GALNT5: variants seen among roughly 807,000 people sequenced by gnomAD.
GALNT5 encodes the protein polypeptide N-acetylgalactosaminyltransferase 5, also known as UDP-GalNAc:polypeptide N-acetylgalactosaminyltransferase 5.
A neutral mutation model predicts 85.4 loss-of-function variants in GALNT5; 72 were observed. The observed-to-expected ratio is 0.84, with a 90% CI of 0.70 to 1.03. The LOEUF (loss-of-function observed/expected upper bound fraction) is 1.03. Ranked by LOEUF, GALNT5 falls within the 50% of genes least tolerant of loss-of-function variation. GALNT5 has a pLI of 0.00. For synonymous variants in GALNT5, 404 were observed against 397.0 expected (o/e 1.02, Z -0.21); for missense variants, 1,137 against 1,135.5 (o/e 1.00, Z -0.02).
chr2:157,308,466 C>T, intron 8 of GALNT5, 101 bp from the exon 9 acceptor site: 1 of 783,140 alleles, frequency 1.3e-6, no homozygotes, highest in South Asian at 2.0e-5. Flanking sequence ...AATGTCAGAT[C>T]ATAGTTCCTA....
In GALNT5 at chr2:157,259,165, G is replaced by T. The variant is rs1386569143; in HGVS notation, c.1083G>T (p.Arg361Ser). 2.6e-6 allele frequency: 4 copies of T among 1,516,066 alleles called. 1 individual carries two copies. The Admixed American group carries it at 8.9e-5, about 34-fold the overall frequency. 93.9% of individuals were successfully genotyped at this position (1,516,066 alleles called of 1,614,324 possible). Residue 361 changes from arginine to serine, a missense_variant, in exon 1 of 10, where the codon AGG (arginine) becomes AGT (serine). By Grantham distance (110) the Arg-to-Ser change is moderately radical. Coordinates refer to ENST00000259056, the MANE Select transcript of GALNT5 (RefSeq NM_014568.3). ...AAAGCCAAAGTAAACACATTTCCAG[G>T]AATAGAAGTGAGATGTCTTCCTCTT... ...LGKSQSKHIS[R>S]NRSEMSSSSL...
intron 1 of GALNT5, among the ~76,000 whole-genome samples, chr2:157,264,949 A>G (rs1331764320): frequency 1.3e-5 from 2 of 152,188 alleles, no homozygotes; most frequent in African/African-American, 4.8e-5. Flanking sequence ...TAGTGATTGG[A>G]GAACATTAAT....
At chr2:157,305,379 A>G (rs1200558492) in intron 7 of GALNT5, among the ~76,000 whole-genome samples, 1 of 152,154 alleles carries the variant, frequency 6.6e-6, no homozygotes. Context: ...ATAGCTCATA[A>G]CTCTTATAGG....
At position 157,315,081 on chromosome 2, in the gene GALNT5, AAAT is replaced by A. The variant is rs201133463; in HGVS notation, c.*3746_*3748del. Among the ~76,000 whole-genome samples, 3,527 of 152,194 alleles carry A rather than the reference AAAT, an allele frequency of 0.023. 115 individuals carry two copies. The highest frequency in any genetic ancestry group is 0.079 in the African/African-American group (3,262 of 41,494). Reference sequence around the variant, plus strand: ...CAACAGAGCAAGACTCTATCTCAAAAAATAATAATAATAATTTTTACCTCAGAA... The same window carrying A: ...CAACAGAGCAAGACTCTATCTCAAAAAATAATAATAATTTTTACCTCAGAA... On this transcript the variant is annotated 3_prime_UTR_variant, in exon 10 of 10. Coordinates refer to ENST00000259056, the MANE Select transcript of GALNT5 (RefSeq NM_014568.3).
At chr2:157,278,691 G>A (rs147768186) in intron 1 of GALNT5, among the ~76,000 whole-genome samples, 1,759 of 152,206 alleles carry the variant, frequency 0.012, 35 homozygotes, top group African/African-American at 0.04. Context: ...TCTCTACACT[G>A]TTTATTCTAG....
intron 3 of GALNT5, among the ~76,000 whole-genome samples, chr2:157,291,972 A>G (rs1683110783): frequency 6.6e-6 from 1 of 152,244 alleles, no homozygotes; most frequent in Non-Finnish European, 1.5e-5. Context: ...TACACACTTT[A>G]TGTATCAAAT....
intron 1 of GALNT5, among the ~76,000 whole-genome samples, chr2:157,277,802 G>A (rs7566790): frequency 0.03 from 4,620 of 152,206 alleles, 231 homozygotes; most frequent in African/African-American, 0.1. Context: ...CTTTTAATTA[G>A]GGCATTTAGC....
At position 157,312,384 on chromosome 2, in the gene GALNT5, G is replaced by A. The variant is rs557307981; in HGVS notation, c.*1036G>A. The A allele has an allele frequency of 2.0e-5, 3 of 151,766 alleles. No homozygotes were observed. In the South Asian group the frequency reaches 6.2e-4, roughly 32 times the overall value. 9.4% of individuals were successfully genotyped at this position (151,766 alleles called of 1,614,324 possible). On this transcript the variant is annotated 3_prime_UTR_variant, in exon 10 of 10. Coordinates refer to ENST00000259056, the MANE Select transcript of GALNT5 (RefSeq NM_014568.3). ...GAAGGAAACATCATGAAAGGGGAAA[G>A]GAATGAGGTAAACAAGTCTTAGGAA...
At chr2:157,277,565 C>T (rs575896503) in intron 1 of GALNT5, among the ~76,000 whole-genome samples, 18 of 152,274 alleles carry the variant, frequency 1.2e-4, no homozygotes, top group African/African-American at 3.8e-4. Context: ...ATCCCTTTAC[C>T]ATTATGTAAT....
Position 157,258,661 on chromosome 2 carries a change from A to G in GALNT5, c.579A>G (p.Leu193=), listed in dbSNP as rs1446695635. Residue 193 remains leucine, a synonymous_variant, in exon 1 of 10, where the codon TTA becomes TTG. Transcript: ENST00000259056. ...KISVHMGRVS[L]KQEPRKSHSP... ...CAGTACACATGGGACGTGTCAGTTT[A>G]AAACAGGAGCCCCGGAAGAGTCATA... The G allele has an allele frequency of 6.2e-7, 1 of 1,613,824 alleles. No individual in the cohort carries two copies. Among genetic ancestry groups the G allele is most frequent in the East Asian group, 2.2e-5 (1 of 44,848 alleles).
rs1683613453 is a variant in GALNT5 at position 157,313,126 on chromosome 2, T to C, written c.*1778T>C. 1 of 152,184 alleles carries C rather than the reference T, an allele frequency of 6.6e-6. No individual in the cohort carries two copies. The highest frequency in any genetic ancestry group is 2.4e-5 in the African/African-American group (1 of 41,458). The allele number at this position is 152,184 out of a possible 1,614,324, so 9.4% of individuals were successfully genotyped here. ...AAATGAGATACAGTTATATGACACA[T>C]AATGATGTTTTAGTCAACAATGAAC... On this transcript the variant is annotated 3_prime_UTR_variant, in exon 10 of 10. Coordinates refer to ENST00000259056, the MANE Select transcript of GALNT5 (RefSeq NM_014568.3).
rs1683590377 is a variant in GALNT5, at chr2:157,312,213, G to C, written c.*865G>C. The stretch of plus-strand genomic sequence containing the variant: ...ACTCTAGTGCAGGGCCAAGTAAGAG[G>C]AGTTGAAATGAGTAAAGCAGAAATA... On this transcript the variant is annotated 3_prime_UTR_variant, in exon 10 of 10. Coordinates refer to ENST00000259056, the MANE Select transcript of GALNT5 (RefSeq NM_014568.3). The C allele has an allele frequency of 6.6e-6, 1 of 152,120 alleles. No individual in the cohort carries two copies. Among genetic ancestry groups the C allele is most frequent in the Non-Finnish European group, 1.5e-5 (1 of 68,010 alleles). 9.4% of individuals were successfully genotyped at this position (152,120 alleles called of 1,614,324 possible).
chr2:157,293,212 A>C (rs1016826629), intron 3 of GALNT5, among the ~76,000 whole-genome samples: 1 of 152,210 alleles, frequency 6.6e-6, no homozygotes, highest in Non-Finnish European at 1.5e-5. Flanking sequence ...TATAAATAGC[A>C]TATATTTATT....
intron 1 of GALNT5, among the ~76,000 whole-genome samples, chr2:157,278,627 C>T: frequency 6.6e-6 from 1 of 152,164 alleles, no homozygotes; most frequent in Non-Finnish European, 1.5e-5. Flanking sequence ...CTTGTGCATG[C>T]ATCACGAAGT....
chr2:157,311,045 A>G (rs1683557904), intron 9 of GALNT5, among the ~76,000 whole-genome samples, 163 bp from the exon 10 acceptor site: 1 of 152,212 alleles, frequency 6.6e-6, no homozygotes, highest in Non-Finnish European at 1.5e-5. Context: ...GACAAATTTA[A>G]TACTTTTCAA....
intron 8 of GALNT5, among the ~76,000 whole-genome samples, chr2:157,307,718 A>G (rs1683482904): frequency 6.6e-6 from 1 of 152,222 alleles, no homozygotes; most frequent in Non-Finnish European, 1.5e-5. Flanking sequence ...CACTTACAAT[A>G]CAAATGATTC....
At chr2:157,308,077 A>C (rs1238872714) in intron 8 of GALNT5, among the ~76,000 whole-genome samples, 1 of 152,172 alleles carries the variant, frequency 6.6e-6, no homozygotes, top group Non-Finnish European at 1.5e-5. Flanking sequence ...GTTTTATACA[A>C]GGAAGCATAA....
Position 157,284,751 on chromosome 2 carries a change from G to A in GALNT5, c.1621+303G>A, listed in dbSNP as rs540216819. On this transcript the variant is annotated intron_variant, in intron 2 of 9. Transcript: ENST00000259056. Reference sequence around the variant, plus strand: ...TGGAGTTTAGATGTCCTCTACAATTGCACAAATCCCTTTTAATGGAATCAC... The same window carrying A: ...TGGAGTTTAGATGTCCTCTACAATTACACAAATCCCTTTTAATGGAATCAC... Among the ~76,000 whole-genome samples the A allele has an allele frequency of 5.9e-5, 9 of 152,242 alleles. No individual in the cohort carries two copies. In the South Asian group the frequency reaches 1.9e-3, roughly 32 times the overall value.
chr2:157,279,630 C>A (rs1274743309), intron 1 of GALNT5, among the ~76,000 whole-genome samples: 1 of 152,238 alleles, frequency 6.6e-6, no homozygotes, highest in Non-Finnish European at 1.5e-5. Context: ...AAGCCAGGCA[C>A]AGGAAAGAAT....
Sources: allele counts gnomAD v4.1 joint callset (sites outside exome capture counted in the v4.1 genomes callset), GRCh38; gene constraint gnomAD v4.1.1; transcripts MANE v1.5; gene names NCBI Gene and HGNC (gene_info 2026-07-23, HGNC 2026-07-21).